The following PDS5A variants were observed in gnomAD, a reference collection of about 807,000 sequenced individuals.
The protein encoded by PDS5A is PDS5 cohesin associated factor A.
Under a neutral mutation model 167.1 loss-of-function variants are expected in PDS5A, and 42 were observed. The ratio of observed to expected loss-of-function variants is 0.25; its 90% CI spans 0.20 to 0.33. The LOEUF is 0.33. Among genes scored for constraint, PDS5A ranks in the 10% least tolerant of loss-of-function variants. PDS5A has a pLI of 1.00. For missense variants in PDS5A, 1,033 were observed against 1,605.9 expected, an observed-to-expected ratio of 0.64 and a Z score of 6.10; for synonymous variants, 553 against 554.6, an observed-to-expected ratio of 1.00 and a Z score of 0.04.
At chr4:39,895,529 C>A (rs1019196579) in intron 16 of PDS5A, among the ~76,000 whole-genome samples, 22 of 152,196 alleles carry the variant, frequency 1.4e-4, no homozygotes, top group Non-Finnish European at 2.6e-4. Flanking sequence ...GCAAGTTGAT[C>A]TGGGTAAGTC....
At chr4:39,846,653 C>T (rs1717636406) in intron 28 of PDS5A, 1 of 152,198 alleles carries the variant, frequency 6.6e-6, no homozygotes, top group South Asian at 2.1e-4. Flanking sequence ...CAAACTTGAT[C>T]TCTTGATGCC....
At chr4:39,861,952 AAT>A (rs1449302839) in intron 26 of PDS5A, among the ~76,000 whole-genome samples, 4 of 152,280 alleles carry the variant, frequency 2.6e-5, no homozygotes, top group African/African-American at 9.6e-5. Flanking sequence ...GTAAAAATCA[AAT>A]ATAATAACTA....
intron 9 of PDS5A, among the ~76,000 whole-genome samples, chr4:39,910,615 A>C (rs1352539861): frequency 6.6e-6 from 1 of 152,250 alleles, no homozygotes; most frequent in Non-Finnish European, 1.5e-5. Context: ...CAAACTATAC[A>C]CTTTATGGAG....
At chr4:39,902,540 G>C (rs1455944150) in intron 12 of PDS5A, 80 bp from the exon 13 acceptor site, 1 of 552,002 alleles carries the variant, frequency 1.8e-6, no homozygotes. Context: ...TTTTTTTTTT[G>C]GAGACAGGGT....
Position 39,825,350 on chromosome 4 carries a change from A to G in PDS5A, c.*135T>C. The G allele has an allele frequency of 1.7e-6, 1 of 603,620 alleles. No homozygotes were observed. Among genetic ancestry groups the G allele is most frequent in the Non-Finnish European group, 2.9e-6 (1 of 348,642 alleles). 37.4% of individuals were successfully genotyped at this position (603,620 alleles called of 1,614,324 possible). On this transcript the variant is annotated 3_prime_UTR_variant, in exon 33 of 33. Transcript: ENST00000303538. ...GTGAAAAGGAAGTAATAGTCTCTTT[A>G]GTTTTCAAGGCAGAGAGTGTGTGTT...
chr4:39,878,648 G>A (rs1192779856), intron 18 of PDS5A, among the ~76,000 whole-genome samples: 1 of 152,010 alleles, frequency 6.6e-6, no homozygotes, highest in African/African-American at 2.4e-5. Flanking sequence ...CCTTAAAGGT[G>A]GTTTCACTTT....
intron 26 of PDS5A, among the ~76,000 whole-genome samples, chr4:39,850,409 G>A (rs1337006942): frequency 6.6e-6 from 1 of 152,106 alleles, no homozygotes; most frequent in African/African-American, 2.4e-5. Flanking sequence ...AGGATCGCTT[G>A]TGGTTGCAGT....
intron 11 of PDS5A, 87 bp from the exon 12 acceptor site, chr4:39,904,278 C>T: frequency 1.2e-6 from 1 of 812,710 alleles, no homozygotes; most frequent in African/African-American, 1.8e-5. Context: ...TTAGGTTGTA[C>T]AGTCTTATGT....
chr4:39,858,010 G>A (rs1174925995), intron 26 of PDS5A, among the ~76,000 whole-genome samples: 3 of 151,874 alleles, frequency 2.0e-5, no homozygotes, highest in Admixed American at 6.6e-5. Flanking sequence ...CAAGGAAGAC[G>A]AAGACCTATA....
At position 39,976,580 on chromosome 4, in the gene PDS5A, T is replaced by TG; in HGVS notation, c.-4dup. 1 of 1,608,562 alleles carries TG rather than the reference T, an allele frequency of 6.2e-7. No individual in the cohort carries two copies. Among genetic ancestry groups the TG allele is most frequent in the Non-Finnish European group, 8.5e-7 (1 of 1,176,022 alleles). ...TTGGGCTGCGCGGTGAAGTCCATCC[T>TG]GGGGGACAACTTTTGGTTCACAGTC... On this transcript the variant is annotated 5_prime_UTR_variant, in exon 2 of 33. Coordinates refer to ENST00000303538, the MANE Select transcript of PDS5A (RefSeq NM_001100399.2).
chr4:39,961,683 C>T (rs184821245), intron 2 of PDS5A, among the ~76,000 whole-genome samples: 10 of 152,232 alleles, frequency 6.6e-5, no homozygotes, highest in African/African-American at 2.2e-4. Context: ...CATGTGGCAC[C>T]GCACCCAGCC....
At chr4:39,922,567 TA>T in intron 6 of PDS5A, 54 bp downstream of exon 6, 1 of 1,416,822 alleles carries the variant, frequency 7.1e-7, no homozygotes, top group Non-Finnish European at 9.3e-7. Context: ...TGTTCATTCT[TA>T]TGTGTGGCGT....
intron 2 of PDS5A, among the ~76,000 whole-genome samples, chr4:39,968,329 G>T (rs554789054): frequency 5.4e-4 from 81 of 149,972 alleles, no homozygotes; most frequent in Non-Finnish European, 9.9e-4. Flanking sequence ...CTATATGGGA[G>T]GATGGCTATT....
At chr4:39,921,987 T>C (rs1725023267) in intron 6 of PDS5A, among the ~76,000 whole-genome samples, 1 of 152,176 alleles carries the variant, frequency 6.6e-6, no homozygotes, top group Middle Eastern at 3.2e-3. Flanking sequence ...TAATGTCTGA[T>C]AACAGGATAC....
intron 31 of PDS5A, 91 bp downstream of exon 31, chr4:39,841,857 A>G: frequency 1.4e-6 from 1 of 699,176 alleles, no homozygotes; most frequent in Non-Finnish European, 2.6e-6. Flanking sequence ...TAGCATGTGC[A>G]TTGAAGTGTT....
intron 2 of PDS5A, among the ~76,000 whole-genome samples, chr4:39,934,662 G>GTTTT (rs920243677): frequency 7.5e-6 from 1 of 133,486 alleles, no homozygotes; most frequent in Admixed American, 7.7e-5. Flanking sequence ...ATCAAACTAA[G>GTTTT]TTTTTTTGCC....
At position 39,825,491 on chromosome 4, in the gene PDS5A, T is replaced by A; in HGVS notation, c.4011-3A>T. Reference sequence around the variant, plus strand: ...TCCCTTTGCAAATGCATTTTTACCTTAGGGTTAAGAATAGAACGCAAAGTT... The same window carrying A: ...TCCCTTTGCAAATGCATTTTTACCTAAGGGTTAAGAATAGAACGCAAAGTT... On this transcript the variant is annotated splice_polypyrimidine_tract_variant and splice_region_variant and intron_variant, in intron 32 of 32. Coordinates refer to ENST00000303538, the MANE Select transcript of PDS5A (RefSeq NM_001100399.2). 1 of 1,578,796 alleles carries A rather than the reference T, an allele frequency of 6.3e-7. No homozygotes were observed. Among genetic ancestry groups the A allele is most frequent in the Non-Finnish European group, 8.6e-7 (1 of 1,158,934 alleles).
At chr4:39,964,707 T>A (rs1207199082) in intron 2 of PDS5A, among the ~76,000 whole-genome samples, 4 of 148,452 alleles carry the variant, frequency 2.7e-5, no homozygotes, top group African/African-American at 5.0e-5. Flanking sequence ...AAAATAATAA[T>A]AAAATATGCC....
chr4:39,827,950 C>G (rs560404680), intron 32 of PDS5A, among the ~76,000 whole-genome samples: 1 of 152,086 alleles, frequency 6.6e-6, no homozygotes, highest in South Asian at 2.1e-4. Context: ...TTCACAACAC[C>G]GGGAACTGTT....
Sources: gnomAD v4.1 joint callset for allele counts (sites outside exome capture counted in the v4.1 genomes callset) on GRCh38, gnomAD v4.1.1 for gene constraint, MANE v1.5 for transcripts, NCBI Gene and HGNC (gene_info 2026-07-23, HGNC 2026-07-21) for gene names.